SEC23B: variants seen among roughly 807,000 people sequenced by gnomAD.
The protein encoded by SEC23B is protein transport protein Sec23B.
A neutral mutation model predicts 104.3 loss-of-function variants in SEC23B; 77 were observed. The observed-to-expected ratio is 0.74, with a 90% confidence interval of 0.61 to 0.89. The LOEUF is 0.89. Among genes scored for constraint, SEC23B ranks in the 40% least tolerant of loss-of-function variants. SEC23B has a pLI of 0.00. For missense variants in SEC23B, 885 were observed against 949.4 expected (o/e 0.93, Z 0.89); for synonymous variants, 338 against 332.5 (o/e 1.02, Z -0.18).
At chr20:18,550,453 AG>A (rs1449019628) in intron 16 of SEC23B, among the ~76,000 whole-genome samples, 1 of 152,176 alleles carries the variant, frequency 6.6e-6, no homozygotes, top group African/African-American at 2.4e-5. Context: ...CACTACGCCC[AG>A]CCATAATTTA....
Position 18,524,521 on chromosome 20 carries a change from A to C in SEC23B, c.455A>C (p.Gln152Pro), listed in dbSNP as rs1177316380. 1.9e-6 allele frequency: 3 copies of C among 1,614,090 alleles called. No individual in the cohort carries two copies. Among genetic ancestry groups the C allele is most frequent in the South Asian group, 2.2e-5 (2 of 91,088 alleles). The change falls in exon 5 of 20, where the codon CAG (glutamine) becomes CCG (proline). Residue 152 changes from glutamine (Q) to proline (P), a missense_variant. Physicochemically the swap from Gln to Pro is moderately conservative, Grantham distance 76. Transcript: ENST00000650089. ...DDLQALKESL[Q>P]MSLSLLPPDA... ...CTTCAAGCACTCAAAGAGTCCCTGC[A>C]GATGTCCCTGAGTCTTCTTCCTCCA...
chr20:18,555,229 G>A (rs2060425688), intron 19 of SEC23B, 56 bp downstream of exon 19: 1 of 1,409,332 alleles, frequency 7.1e-7, no homozygotes, highest in Admixed American at 1.7e-5. Flanking sequence ...TTTTAAACTT[G>A]TTTTAAAATT....
At chr20:18,527,359 CAGAG>C (rs1260036821) in intron 8 of SEC23B, 133 bp from the exon 9 acceptor site, 10 of 715,404 alleles carry the variant, frequency 1.4e-5, no homozygotes, top group Middle Eastern at 3.6e-4. Context: ...GCCTGGGCAA[CAGAG>C]AGAGACTCTG....
intron 12 of SEC23B, among the ~76,000 whole-genome samples, chr20:18,540,693 CA>C (rs1205063457): frequency 6.6e-6 from 1 of 152,042 alleles, no homozygotes; most frequent in Non-Finnish European, 1.5e-5. Context: ...TCATCTCTAC[CA>C]AAAATACAGA....
intron 4 of SEC23B, 146 bp downstream of exon 4, chr20:18,515,882 A>C (rs1272239713): frequency 7.4e-6 from 5 of 679,212 alleles, no homozygotes; most frequent in Admixed American, 2.1e-5. Flanking sequence ...ATGTGTGTGC[A>C]TCTACTGGCA....
At chr20:18,536,424 G>T (rs6081195) in intron 12 of SEC23B, among the ~76,000 whole-genome samples, 55,435 of 152,052 alleles carry the variant, frequency 0.36, 10,767 homozygotes, top group South Asian at 0.46. Flanking sequence ...CGGGTGCTGT[G>T]GCTCACGCCT....
At chr20:18,526,079 C>CA in intron 7 of SEC23B, 147 bp downstream of exon 7, 1 of 1,034,460 alleles carries the variant, frequency 9.7e-7, no homozygotes, top group East Asian at 2.5e-5. Context: ...CATTATCATT[C>CA]ACGTTGAGGG....
chr20:18,546,053 A>G lies in SEC23B; in HGVS notation c.1743+20A>G, dbSNP rs753754913. On this transcript the variant is annotated intron_variant, in intron 15 of 19. Coordinates refer to ENST00000650089, the MANE Select transcript of SEC23B (RefSeq NM_006363.6). ...CCTCAGGTAAGTAATGTATGTTTCT[A>G]AAATAACTACAGAGCAATAAATTTT... The G allele has an allele frequency of 1.1e-5, 14 of 1,253,588 alleles. No homozygotes were observed. The Admixed American group carries it at 1.7e-4, about 15-fold the overall frequency. 77.7% of individuals were successfully genotyped at this position (1,253,588 alleles called of 1,614,324 possible).
At chr20:18,542,120 T>G (rs1424430343) in intron 12 of SEC23B, among the ~76,000 whole-genome samples, 176 bp from the exon 13 acceptor site, 1 of 152,234 alleles carries the variant, frequency 6.6e-6, no homozygotes. Context: ...TCTTCAACTT[T>G]TTTGGAGATA....
chr20:18,542,537 C>A (rs2060297389), intron 13 of SEC23B, 135 bp downstream of exon 13: 3 of 930,006 alleles, frequency 3.2e-6, no homozygotes, highest in Non-Finnish European at 5.1e-6. Flanking sequence ...CTTATTTGAT[C>A]AGAGGAGGAG....
At chr20:18,522,165 GGAGCAGCCATGGGCTGCAATGTGGGT>G (rs2060089852) in intron 4 of SEC23B, among the ~76,000 whole-genome samples, 1 of 152,158 alleles carries the variant, frequency 6.6e-6, no homozygotes, top group African/African-American at 2.4e-5. Flanking sequence ...TAGGGGGTGG[GGAGCAGCCATGGGCTGCAATGTGGGT>G]GAGCAGCCAA....
chr20:18,510,841 G>A lies in SEC23B; in HGVS notation c.6G>A (p.Ala2=), dbSNP rs764619034. ...CTTCAGTTCCCTTTTAGACTATGGCGACATACCTGGAGTTCATCCAGCAGA... is the reference window on the plus strand; with the variant it reads ...CTTCAGTTCCCTTTTAGACTATGGCAACATACCTGGAGTTCATCCAGCAGA... M[A]TYLEFIQQNE... is the part of the protein sequence containing the mutation. The change falls in exon 2 of 20, where the codon GCG becomes GCA. Residue 2 remains alanine (A), a synonymous_variant. Coordinates refer to ENST00000650089, the MANE Select transcript of SEC23B (RefSeq NM_006363.6). 5 of 1,613,632 alleles carry A rather than the reference G, an allele frequency of 3.1e-6. No homozygotes were observed. The highest frequency in any genetic ancestry group is 2.2e-5 in the East Asian group (1 of 44,884).
In SEC23B at chr20:18,510,965, C is replaced by G. The variant is rs1330309084; in HGVS notation, c.130C>G (p.Pro44Ala). Residue 44 changes from proline to alanine, a missense_variant, in exon 2 of 20, where the codon CCT (proline) becomes GCT (alanine). Coordinates refer to ENST00000650089, the MANE Select transcript of SEC23B (RefSeq NM_006363.6). ...MVVPLACLLT[P>A]LKERPDLPPV... ...TGTACCCCTGGCTTGTCTCCTTACTCCTTTGAAAGAACGTCCAGACCTACC... is the reference window on the plus strand; with the variant it reads ...TGTACCCCTGGCTTGTCTCCTTACTGCTTTGAAAGAACGTCCAGACCTACC... The G allele has an allele frequency of 1.2e-6, 2 of 1,614,198 alleles. No homozygotes were observed. Among genetic ancestry groups the G allele is most frequent in the East Asian group, 2.2e-5 (1 of 44,878 alleles).
At chr20:18,509,195 C>T (rs1336684822) in intron 1 of SEC23B, among the ~76,000 whole-genome samples, 1 of 152,178 alleles carries the variant, frequency 6.6e-6, no homozygotes. Context: ...CAGGTTCTTG[C>T]CGTTGCCAGA....
At chr20:18,533,934 A>C (rs1022077313) in intron 11 of SEC23B, among the ~76,000 whole-genome samples, 2 of 152,238 alleles carry the variant, frequency 1.3e-5, no homozygotes, top group African/African-American at 4.8e-5. Context: ...GAATTAGTAC[A>C]AACTAATTAA....
At chr20:18,542,241 G>T in intron 12 of SEC23B, 55 bp from the exon 13 acceptor site, 1 of 1,445,820 alleles carries the variant, frequency 6.9e-7, no homozygotes, top group South Asian at 1.1e-5. Flanking sequence ...TGGGCTCTGT[G>T]ACCGTGTTTG....
chr20:18,554,475 A>T, intron 18 of SEC23B, 85 bp downstream of exon 18: 1 of 1,480,548 alleles, frequency 6.8e-7, no homozygotes. Flanking sequence ...GATGGTTAAT[A>T]TTTTATGTGA....
At chr20:18,555,293 A>G in intron 19 of SEC23B, 120 bp downstream of exon 19, 1 of 846,340 alleles carries the variant, frequency 1.2e-6, no homozygotes, top group Non-Finnish European at 2.0e-6. Flanking sequence ...TAAGTTGGGT[A>G]TTTTGCTGGG....
intron 8 of SEC23B, 102 bp downstream of exon 8, chr20:18,526,633 G>C: frequency 8.3e-7 from 1 of 1,207,470 alleles, no homozygotes; most frequent in Non-Finnish European, 1.2e-6. Flanking sequence ...GTCATGGTCA[G>C]CAAGACGCTG....
Sources: gnomAD v4.1 joint callset for allele counts (sites outside exome capture counted in the v4.1 genomes callset) on GRCh38, gnomAD v4.1.1 for gene constraint, MANE v1.5 for transcripts, NCBI Gene and HGNC (gene_info 2026-07-23, HGNC 2026-07-21) for gene names.